The following LHFPL3 variants were observed in gnomAD, a reference collection of about 807,000 sequenced individuals.
LHFPL3 encodes the protein LHFPL tetraspan subfamily member 3.
LHFPL3 carries 5 observed loss-of-function variants against 19.3 expected under a neutral mutation model. The ratio of observed to expected loss-of-function variants is 0.26; its 90% CI spans 0.14 to 0.54. The LOEUF (loss-of-function observed/expected upper bound fraction) is 0.54. Ranked by LOEUF, LHFPL3 falls within the 20% of genes least tolerant of loss-of-function variation. The pLI, the probability that LHFPL3 is intolerant of heterozygous loss-of-function variation, is 0.94. For synonymous variants in LHFPL3, 133 were observed against 126.2 expected (o/e 1.05, Z -0.36); for missense variants, 249 against 307.4 (o/e 0.81, Z 1.42).
chr7:104,672,164 A>G (rs1054894940), intron 1 of LHFPL3, among the ~76,000 whole-genome samples: 1 of 152,090 alleles, frequency 6.6e-6, no homozygotes, highest in African/African-American at 2.4e-5. Context: ...CCAGTAAGAC[A>G]CAGGATGAGC....
chr7:104,878,424 G>A (rs1191759484), intron 2 of LHFPL3, among the ~76,000 whole-genome samples: 1 of 151,938 alleles, frequency 6.6e-6, no homozygotes, highest in East Asian at 1.9e-4. Flanking sequence ...TATCTGTCAT[G>A]GTGATCTGTG....
At chr7:104,525,606 GTTTT>G (rs1361749453) in intron 1 of LHFPL3, among the ~76,000 whole-genome samples, 1 of 111,986 alleles carries the variant, frequency 8.9e-6, no homozygotes, top group East Asian at 2.7e-4. Flanking sequence ...TGTTTTTTGG[GTTTT>G]TTTTTTTTTT....
intron 1 of LHFPL3, among the ~76,000 whole-genome samples, chr7:104,392,655 GT>G (rs1292835396): frequency 6.6e-6 from 1 of 152,038 alleles, no homozygotes; most frequent in Non-Finnish European, 1.5e-5. Flanking sequence ...CTCTTTTTTT[GT>G]TGTGTCTCTG....
At chr7:104,769,740 G>A (rs978895612) in intron 2 of LHFPL3, among the ~76,000 whole-genome samples, 3 of 151,728 alleles carry the variant, frequency 2.0e-5, no homozygotes, top group African/African-American at 7.3e-5. Flanking sequence ...ATAGTTTGTT[G>A]AGAATGATGG....
chr7:104,814,864 C>T (rs2116509727), intron 2 of LHFPL3, among the ~76,000 whole-genome samples: 1 of 152,298 alleles, frequency 6.6e-6, no homozygotes, highest in Non-Finnish European at 1.5e-5. Context: ...GAGCAGGTGC[C>T]GACAGCAGGG....
chr7:104,571,863 T>C (rs1169368305), intron 1 of LHFPL3, among the ~76,000 whole-genome samples: 1 of 151,974 alleles, frequency 6.6e-6, no homozygotes, highest in Non-Finnish European at 1.5e-5. Context: ...GATGATTCTC[T>C]GGATGCATTC....
At chr7:104,396,114 A>G (rs1052804665) in intron 1 of LHFPL3, among the ~76,000 whole-genome samples, 2 of 152,158 alleles carry the variant, frequency 1.3e-5, no homozygotes. Flanking sequence ...GGTAGAAAAG[A>G]TGGCCACTCT....
At chr7:104,831,667 A>G (rs1790955190) in intron 2 of LHFPL3, among the ~76,000 whole-genome samples, 1 of 151,904 alleles carries the variant, frequency 6.6e-6, no homozygotes, top group Non-Finnish European at 1.5e-5. Context: ...TAATTTTCTC[A>G]TTTGAAAAAT....
At chr7:104,766,559 C>A (rs2116385671) in intron 2 of LHFPL3, among the ~76,000 whole-genome samples, 1 of 152,314 alleles carries the variant, frequency 6.6e-6, no homozygotes, top group East Asian at 1.9e-4. Context: ...CATGAAATTA[C>A]TGGGGAAAAG....
At chr7:104,826,391 G>C (rs995283166) in intron 2 of LHFPL3, 6 of 160,806 alleles carry the variant, frequency 3.7e-5, no homozygotes, top group African/African-American at 1.5e-4. Context: ...CCCTGCATCA[G>C]CGCAGTCCAT....
chr7:104,603,062 T>C (rs1791001493), intron 1 of LHFPL3, among the ~76,000 whole-genome samples: 1 of 139,260 alleles, frequency 7.2e-6, no homozygotes, highest in Non-Finnish European at 1.6e-5. Context: ...TTTTCTTTCT[T>C]TCTTTTTCTT....
chr7:104,834,269 C>T (rs1283063485), intron 2 of LHFPL3, among the ~76,000 whole-genome samples: 1 of 151,378 alleles, frequency 6.6e-6, no homozygotes, highest in African/African-American at 2.4e-5. Flanking sequence ...CAGTATTAAC[C>T]ATCACAGTTG....
At chr7:104,497,239 A>C (rs1297589734) in intron 1 of LHFPL3, among the ~76,000 whole-genome samples, 1 of 152,034 alleles carries the variant, frequency 6.6e-6, no homozygotes, top group Non-Finnish European at 1.5e-5. Flanking sequence ...GTCAGAACAA[A>C]ACATTGCAAA....
At chr7:104,715,900 G>A (rs990000855) in intron 1 of LHFPL3, among the ~76,000 whole-genome samples, 1 of 152,042 alleles carries the variant, frequency 6.6e-6, no homozygotes, top group Non-Finnish European at 1.5e-5. Context: ...AGTAATATTC[G>A]CCTCATAAAA....
rs571342064 is a variant in LHFPL3, at chr7:104,433,336, A to T, written c.445+104112A>T. Among the ~76,000 whole-genome samples the T allele has an allele frequency of 3.3e-5, 5 of 152,220 alleles. No homozygotes were observed. In the East Asian group the frequency reaches 9.7e-4, roughly 29 times the overall value. ...TACTATTGCTATGAAGATAGTTTTGACTTCACAAATGCCCTGAAGATCTTG... is the reference window on the plus strand; with the variant it reads ...TACTATTGCTATGAAGATAGTTTTGTCTTCACAAATGCCCTGAAGATCTTG... On this transcript the variant is annotated intron_variant, in intron 1 of 2. Transcript: ENST00000424859.
chr7:104,398,261 C>T (rs1472995148), intron 1 of LHFPL3, among the ~76,000 whole-genome samples: 1 of 152,172 alleles, frequency 6.6e-6, no homozygotes, highest in Non-Finnish European at 1.5e-5. Flanking sequence ...CCAGGGTAAG[C>T]AACCCTGTAT....
chr7:104,503,406 C>T (rs957569818), intron 1 of LHFPL3, among the ~76,000 whole-genome samples: 5 of 151,984 alleles, frequency 3.3e-5, no homozygotes, highest in Non-Finnish European at 5.9e-5. Context: ...TCTTTCTGCT[C>T]ACCTGTATTT....
chr7:104,852,911 GAACCCTGA>G (rs1439206108), intron 2 of LHFPL3, among the ~76,000 whole-genome samples: 4 of 151,716 alleles, frequency 2.6e-5, no homozygotes, highest in African/African-American at 9.7e-5. Context: ...CCACTCTCTT[GAACCCTGA>G]AACCCTGAGC....
intron 1 of LHFPL3, among the ~76,000 whole-genome samples, chr7:104,730,607 G>A (rs542001316): frequency 1.3e-5 from 2 of 151,578 alleles, no homozygotes; most frequent in Middle Eastern, 3.4e-3. Context: ...TTTTTTTCTT[G>A]TAAATTTGTT....
Sources: gnomAD v4.1 joint callset for allele counts (sites outside exome capture counted in the v4.1 genomes callset) on GRCh38, gnomAD v4.1.1 for gene constraint, MANE v1.5 for transcripts, NCBI Gene and HGNC (gene_info 2026-07-23, HGNC 2026-07-21) for gene names.